The following SCN11A variants were observed in gnomAD, a reference collection of about 807,000 sequenced individuals.
The protein encoded by SCN11A is sodium channel protein type 11 subunit alpha.
SCN11A carries 122 observed loss-of-function variants against 162.2 expected under a neutral mutation model. That is an observed-to-expected ratio of 0.75 (90% CI 0.65 to 0.87). SCN11A has a LOEUF of 0.87. Ranked by LOEUF, SCN11A falls within the 40% of genes least tolerant of loss-of-function variation. The pLI, the probability that SCN11A is intolerant of heterozygous loss-of-function variation, is 0.00. For synonymous variants in SCN11A, 758 were observed against 751.5 expected (o/e 1.01, Z -0.14); for missense variants, 2,015 against 2,181.6 (o/e 0.92, Z 1.52).
At chr3:39,047,717 A>C (rs1381503913) in intron 1 of SCN11A, among the ~76,000 whole-genome samples, 1 of 152,060 alleles carries the variant, frequency 6.6e-6, no homozygotes, top group Non-Finnish European at 1.5e-5. Context: ...TGGGCAAATG[A>C]TCTGAATACA....
At chr3:38,868,656 A>G (rs1275797655) in intron 26 of SCN11A, among the ~76,000 whole-genome samples, 2 of 152,222 alleles carry the variant, frequency 1.3e-5, no homozygotes, top group African/African-American at 4.8e-5. Context: ...ACAGAAAATC[A>G]GAGCTGCAAG....
At chr3:38,904,667 C>T (rs1398948830) in intron 15 of SCN11A, among the ~76,000 whole-genome samples, 2 of 152,102 alleles carry the variant, frequency 1.3e-5, no homozygotes, top group East Asian at 3.9e-4. Context: ...TTTGACCCCC[C>T]TTGCAGGGAG....
rs1442292719 is a variant in SCN11A, at chr3:38,847,754, G to A, written c.4328-12C>T. On this transcript the variant is annotated splice_polypyrimidine_tract_variant and intron_variant, in intron 29 of 29. Coordinates refer to ENST00000302328, the MANE Select transcript of SCN11A (RefSeq NM_001349253.2). ...AGAAATCATTGTACCTCAGGAGAAG[G>A]AGAAAAGTAAATAAGTTTCCAGAAG... The A allele has an allele frequency of 2.6e-6, 4 of 1,540,978 alleles. No homozygotes were observed. The highest frequency in any genetic ancestry group is 3.5e-6 in the Non-Finnish European group (4 of 1,129,516).
chr3:38,983,138 G>C (rs2030119524), intron 2 of SCN11A, among the ~76,000 whole-genome samples: 1 of 152,132 alleles, frequency 6.6e-6, no homozygotes, highest in South Asian at 2.1e-4. Flanking sequence ...TCTTCTTACT[G>C]TGCTACTTAT....
chr3:38,910,983 G>C (rs2065879402), intron 11 of SCN11A, among the ~76,000 whole-genome samples: 2 of 152,042 alleles, frequency 1.3e-5, no homozygotes, highest in African/African-American at 4.8e-5. Context: ...GCACCAAAAA[G>C]CTTATAATGA....
At chr3:38,931,287 C>A (rs769475628) in intron 7 of SCN11A, among the ~76,000 whole-genome samples, 1 of 152,194 alleles carries the variant, frequency 6.6e-6, no homozygotes, top group Admixed American at 6.5e-5. Context: ...GCAACAGAGA[C>A]AGACAGTCCC....
At chr3:38,990,321 A>C (rs1232843291) in intron 2 of SCN11A, among the ~76,000 whole-genome samples, 1 of 152,158 alleles carries the variant, frequency 6.6e-6, no homozygotes, top group Non-Finnish European at 1.5e-5. Flanking sequence ...CAGAGACCGA[A>C]CACAGACATG....
intron 1 of SCN11A, among the ~76,000 whole-genome samples, 198 bp from the exon 2 acceptor site, chr3:39,032,701 T>C (rs1242010741): frequency 1.3e-5 from 2 of 152,206 alleles, no homozygotes; most frequent in Non-Finnish European, 2.9e-5. Flanking sequence ...TTTGCCAATG[T>C]TTCCTGGGCA....
chr3:38,977,285 C>T (rs925915385), intron 2 of SCN11A, among the ~76,000 whole-genome samples: 5 of 152,202 alleles, frequency 3.3e-5, no homozygotes, highest in Non-Finnish European at 5.9e-5. Flanking sequence ...GCCTGCTATT[C>T]CTCCTCCCGC....
chr3:38,895,063 T>C (rs898186170), intron 18 of SCN11A, 99 bp from the exon 19 acceptor site: 5 of 1,108,248 alleles, frequency 4.5e-6, no homozygotes, highest in Non-Finnish European at 6.3e-6. Flanking sequence ...AAAAACAGAA[T>C]CAAATTAGAG....
intron 2 of SCN11A, among the ~76,000 whole-genome samples, chr3:39,022,528 G>T (rs895847801): frequency 6.6e-6 from 1 of 152,146 alleles, no homozygotes; most frequent in Non-Finnish European, 1.5e-5. Context: ...TACAATAAGA[G>T]ACTTGTGAGA....
intron 2 of SCN11A, among the ~76,000 whole-genome samples, chr3:38,976,259 C>G (rs768410958): frequency 6.6e-6 from 1 of 152,060 alleles, no homozygotes; most frequent in Non-Finnish European, 1.5e-5. Context: ...CAGTAATATA[C>G]ATACTGTCAT....
At chr3:38,938,616 G>A (rs868033189) in intron 7 of SCN11A, among the ~76,000 whole-genome samples, 19 of 123,152 alleles carry the variant, frequency 1.5e-4, no homozygotes, top group South Asian at 5.5e-4. Context: ...CCAGGCTGGC[G>A]TTCAATGGCA....
chr3:38,925,371 T>G, intron 9 of SCN11A, 44 bp downstream of exon 9: 1 of 1,271,972 alleles, frequency 7.9e-7, no homozygotes, highest in Non-Finnish European at 1.1e-6. Flanking sequence ...TAAATTAACA[T>G]TCTTTCTAGA....
intron 20 of SCN11A, 24 bp from the exon 21 acceptor site, chr3:38,885,426 G>A (rs1315325891): frequency 7.7e-7 from 1 of 1,305,622 alleles, no homozygotes; most frequent in Admixed American, 1.7e-5. Flanking sequence ...CAAAACGAAG[G>A]GGGTGCCTTT....
chr3:38,894,518 T>C lies in SCN11A; in HGVS notation c.2835+15A>G, dbSNP rs1559513104. ...GCTTTGTATGACCTTTAAGTCTATGTGTGAACCTTCATACCTGTTGTTCAG... is the reference window on the plus strand; with the variant it reads ...GCTTTGTATGACCTTTAAGTCTATGCGTGAACCTTCATACCTGTTGTTCAG... On this transcript the variant is annotated intron_variant, in intron 19 of 29. Coordinates refer to ENST00000302328, the MANE Select transcript of SCN11A (RefSeq NM_001349253.2). 2 of 1,578,932 alleles carry C rather than the reference T, an allele frequency of 1.3e-6. No individual in the cohort carries two copies. The highest frequency in any genetic ancestry group is 1.2e-5 in the South Asian group (1 of 83,796).
chr3:39,025,114 G>C (rs1231140509), intron 2 of SCN11A, among the ~76,000 whole-genome samples: 3 of 152,104 alleles, frequency 2.0e-5, no homozygotes, highest in Admixed American at 6.5e-5. Context: ...GGGAGTTCTA[G>C]CTTCTAAGAG....
intron 2 of SCN11A, among the ~76,000 whole-genome samples, chr3:39,006,657 T>C (rs2030988518): frequency 6.6e-6 from 1 of 152,154 alleles, no homozygotes; most frequent in African/African-American, 2.4e-5. Flanking sequence ...TGAAACTACT[T>C]GAGCACAGTG....
chr3:39,034,157 A>C lies in SCN11A; in HGVS notation c.-403-1654T>G, dbSNP rs187578325. Among the ~76,000 whole-genome samples, 24 of 152,256 alleles carry C rather than the reference A, an allele frequency of 1.6e-4. No individual in the cohort carries two copies. The East Asian group carries it at 4.1e-3, about 26-fold the overall frequency. Reference sequence around the variant, plus strand: ...AGCCTGGACAACAGAGTGAGACTCCATCTCAAAAACAAAACAAAACAAACA... The same window carrying C: ...AGCCTGGACAACAGAGTGAGACTCCCTCTCAAAAACAAAACAAAACAAACA... On this transcript the variant is annotated intron_variant, in intron 1 of 29. Transcript: ENST00000302328.
Sources: gnomAD v4.1 joint callset for allele counts (sites outside exome capture counted in the v4.1 genomes callset) on GRCh38, gnomAD v4.1.1 for gene constraint, MANE v1.5 for transcripts, NCBI Gene and HGNC (gene_info 2026-07-23, HGNC 2026-07-21) for gene names.